UBE2E1: variants seen among roughly 807,000 people sequenced by gnomAD.
The protein encoded by UBE2E1 is ubiquitin conjugating enzyme E2 E1.
In UBE2E1, 6 loss-of-function variants were observed where a neutral mutation model predicts 21.4. That is an observed-to-expected ratio of 0.28 (90% CI 0.15 to 0.55). The LOEUF (loss-of-function observed/expected upper bound fraction) is 0.55, where lower values mean the gene tolerates loss of function less well. Among genes scored for constraint, UBE2E1 ranks in the 20% least tolerant of loss-of-function variants. The pLI, the probability that UBE2E1 is intolerant of heterozygous loss-of-function variation, is 0.93. For synonymous variants in UBE2E1, 87 were observed against 82.7 expected, an observed-to-expected ratio of 1.05 and a Z score of -0.28; for missense variants, 142 against 236.5, an observed-to-expected ratio of 0.60 and a Z score of 2.62.
intron 3 of UBE2E1, among the ~76,000 whole-genome samples, chr3:23,886,617 C>A (rs1284299856): frequency 1.3e-5 from 2 of 152,182 alleles, no homozygotes; most frequent in Non-Finnish European, 2.9e-5. Flanking sequence ...AAAGTATAGG[C>A]CCATGGGTAG....
At chr3:23,888,195 T>C (rs577587894) in intron 4 of UBE2E1, 113 of 456,862 alleles carry the variant, frequency 2.5e-4, no homozygotes, top group South Asian at 1.6e-3. Context: ...TTGGATTCTG[T>C]TGTGCTCCCT....
intron 3 of UBE2E1, among the ~76,000 whole-genome samples, chr3:23,881,282 A>G (rs1350968349): frequency 6.6e-6 from 1 of 152,208 alleles, no homozygotes; most frequent in Non-Finnish European, 1.5e-5. Flanking sequence ...GTATCAGAGT[A>G]ATATTTATTT....
intron 3 of UBE2E1, among the ~76,000 whole-genome samples, chr3:23,834,242 C>T (rs1575817488): frequency 6.6e-6 from 1 of 152,280 alleles, no homozygotes; most frequent in East Asian, 1.9e-4. Flanking sequence ...TTAACTCTGC[C>T]TCTTGATGGC....
At chr3:23,846,751 T>G (rs1700213637) in intron 3 of UBE2E1, among the ~76,000 whole-genome samples, 1 of 150,998 alleles carries the variant, frequency 6.6e-6, no homozygotes, top group African/African-American at 2.4e-5. Context: ...AAATGGAATG[T>G]TTAAGCTGTA....
At chr3:23,815,859 C>G (rs911935207) in intron 3 of UBE2E1, among the ~76,000 whole-genome samples, 1 of 152,180 alleles carries the variant, frequency 6.6e-6, no homozygotes, top group Non-Finnish European at 1.5e-5. Context: ...ACTTAAACAT[C>G]TGAATGATGT....
At chr3:23,866,403 C>G (rs1700657984) in intron 3 of UBE2E1, 1 of 152,292 alleles carries the variant, frequency 6.6e-6, no homozygotes, top group Admixed American at 6.5e-5. Context: ...CCCAGTGCCA[C>G]TGTGAACTAG....
rs576252397 is a variant in UBE2E1 at position 23,833,676 on chromosome 3, G to A, written c.203+22166G>A. ...TCTATGTAAAGAAAATTATAGGCATGACTGTGAAGAAATGAGGTTTATTTA... is the reference window on the plus strand; with the variant it reads ...TCTATGTAAAGAAAATTATAGGCATAACTGTGAAGAAATGAGGTTTATTTA... On this transcript the variant is annotated intron_variant, in intron 3 of 5. Coordinates refer to ENST00000306627, the MANE Select transcript of UBE2E1 (RefSeq NM_003341.5). Among the ~76,000 whole-genome samples, 4 of 152,354 alleles carry A rather than the reference G, an allele frequency of 2.6e-5. No individual in the cohort carries two copies. In the East Asian group the frequency reaches 7.7e-4, roughly 29 times the overall value.
chr3:23,813,961 A>G (rs1699457331), intron 3 of UBE2E1, among the ~76,000 whole-genome samples: 2 of 152,212 alleles, frequency 1.3e-5, no homozygotes, highest in South Asian at 4.1e-4. Context: ...GAGTTAAATA[A>G]TTGGTTTTCA....
rs80346996 is a variant in UBE2E1, at chr3:23,808,331, T to C, written c.152+910T>C. Among the ~76,000 whole-genome samples the C allele has an allele frequency of 5.5e-3, 832 of 152,288 alleles. 7 individuals carry two copies. Among genetic ancestry groups the C allele is most frequent in the African/African-American group, 0.019 (791 of 41,548 alleles). ...TCGCCATGACCCTCAAAATCATCTT[T>C]AGTGGATTCCTAGGAGCTCTGAGAC... On this transcript the variant is annotated intron_variant, in intron 2 of 5. Transcript: ENST00000306627. This position sits in a 1 kb window ranked among gnomAD's most constrained non-coding sequence, Gnocchi z 4.9.
Position 23,810,716 on chromosome 3 carries a change from C to G in UBE2E1, c.153-744C>G, listed in dbSNP as rs1575797490. ...GGGCGCCGGGAGAGGAGAGCTGGGG[C>G]GGCGCGGAGCAGCCCCCGTGCGGGC... On this transcript the variant is annotated intron_variant, in intron 2 of 5. Transcript: ENST00000306627. The surrounding 1 kb of genome is among the most constrained non-coding windows in gnomAD (Gnocchi z 5.8). 2.0e-6 allele frequency: 1 copy of G among 489,620 alleles called. No homozygotes were observed. The highest frequency in any genetic ancestry group is 3.5e-6 in the Non-Finnish European group (1 of 286,784). The allele number at this position is 489,620 out of a possible 1,614,324, so 30.3% of individuals were successfully genotyped here.
intron 3 of UBE2E1, among the ~76,000 whole-genome samples, chr3:23,867,080 T>TC (rs935180302): frequency 2.0e-5 from 3 of 151,088 alleles, no homozygotes; most frequent in Admixed American, 6.6e-5. Context: ...TTTTTTTTTT[T>TC]CTCTTTGTTT....
In UBE2E1 at chr3:23,842,568, A is replaced by G. The variant is rs918615652; in HGVS notation, c.203+31058A>G. On this transcript the variant is annotated intron_variant, in intron 3 of 5. Coordinates refer to ENST00000306627, the MANE Select transcript of UBE2E1 (RefSeq NM_003341.5). This position sits in a 1 kb window ranked among gnomAD's most constrained non-coding sequence, Gnocchi z 4.6. ...TGAGATAATAAGGCAAGATATTTCA[A>G]GGCCTCCTTTTGTTATGTAAGCTGA... Among the ~76,000 whole-genome samples the G allele has an allele frequency of 6.6e-6, 1 of 152,192 alleles. No individual in the cohort carries two copies. Among genetic ancestry groups the G allele is most frequent in the African/African-American group, 2.4e-5 (1 of 41,464 alleles).
chr3:23,851,953 C>CA (rs1244212275), intron 3 of UBE2E1, among the ~76,000 whole-genome samples: 1 of 152,158 alleles, frequency 6.6e-6, no homozygotes, highest in East Asian at 1.9e-4. Context: ...GTGCTGCTCT[C>CA]ACGGTAATGA....
chr3:23,843,954 C>T (rs1263552988), intron 3 of UBE2E1, among the ~76,000 whole-genome samples: 1 of 152,102 alleles, frequency 6.6e-6, no homozygotes, highest in Non-Finnish European at 1.5e-5. Context: ...CATCTTTATC[C>T]TGCAGTTGTA....
rs1278234233 is a variant in UBE2E1, at chr3:23,836,391, C to T, written c.203+24881C>T. ...TAAACATCAGATGTCTTCCACATGC[C>T]ATGTGCTGTACTGGGGAAGACATAA... On this transcript the variant is annotated intron_variant, in intron 3 of 5. Transcript: ENST00000306627. This position sits in a 1 kb window ranked among gnomAD's most constrained non-coding sequence, Gnocchi z 4.1. 1.3e-5 allele frequency among the ~76,000 whole-genome samples: 2 copies of T among 152,312 alleles called. No individual in the cohort carries two copies. The highest frequency in any genetic ancestry group is 3.9e-4 in the East Asian group (2 of 5,190).
intron 3 of UBE2E1, among the ~76,000 whole-genome samples, chr3:23,869,754 A>G (rs919966448): frequency 1.6e-5 from 2 of 121,370 alleles, no homozygotes; most frequent in African/African-American, 2.9e-5. Context: ...AAAAAAAAAG[A>G]TGTCTTATTA....
chr3:23,889,455 T>C (rs1701290701), intron 5 of UBE2E1, 196 bp downstream of exon 5: 1 of 1,419,198 alleles, frequency 7.0e-7, no homozygotes, highest in Non-Finnish European at 9.1e-7. Flanking sequence ...CAGTATATTC[T>C]AGCAACAAGG....
rs145027359 is a variant in UBE2E1 at position 23,818,680 on chromosome 3, G to T, written c.203+7170G>T. ...CTTTGCACACATTGAATCTGAGGTG[G>T]CCTGACGGTGGAGCTGAGGCTGGAA... On this transcript the variant is annotated intron_variant, in intron 3 of 5. Coordinates refer to ENST00000306627, the MANE Select transcript of UBE2E1 (RefSeq NM_003341.5). Among the ~76,000 whole-genome samples, 197 of 152,314 alleles carry T rather than the reference G, an allele frequency of 1.3e-3. 1 individual carries two copies. The East Asian group carries it at 0.029, about 22-fold the overall frequency.
rs887395419 is a variant in UBE2E1, at chr3:23,887,983, A to G, written c.336+284A>G. 3.3e-5 allele frequency among the ~76,000 whole-genome samples: 5 copies of G among 152,140 alleles called. No individual in the cohort carries two copies. The highest frequency in any genetic ancestry group is 1.2e-4 in the African/African-American group (5 of 41,404). ...TAATCCCCTGTTTTCCAGCCCATAG[A>G]GAAATGTTTTTGAACCTTTCTCGAG... On this transcript the variant is annotated intron_variant, in intron 4 of 5. Coordinates refer to ENST00000306627, the MANE Select transcript of UBE2E1 (RefSeq NM_003341.5). The surrounding 1 kb of genome is among the most constrained non-coding windows in gnomAD (Gnocchi z 4.4).
Sources: allele counts gnomAD v4.1 joint callset (sites outside exome capture counted in the v4.1 genomes callset), GRCh38; gene constraint gnomAD v4.1.1; non-coding constraint Gnocchi (gnomAD v3.1); transcripts MANE v1.5; gene names NCBI Gene and HGNC (gene_info 2026-07-23, HGNC 2026-07-21).